SUPT3H: variants seen among roughly 807,000 people sequenced by gnomAD.
The protein encoded by SUPT3H is transcription initiation protein SPT3 homolog.
In SUPT3H, 44 loss-of-function variants were observed where a neutral mutation model predicts 44.3. The observed-to-expected ratio is 0.99, with a 90% CI of 0.78 to 1.28. The LOEUF (loss-of-function observed/expected upper bound fraction) is 1.28, where lower values mean the gene tolerates loss of function less well. Ranked by LOEUF, SUPT3H falls within the 50% of genes most tolerant of loss-of-function variation. The probability of loss-of-function intolerance (pLI) is 0.00; values close to 1 mark genes in which losing one functional copy is unlikely to be tolerated. For missense variants in SUPT3H, 380 were observed against 387.1 expected (o/e 0.98, Z 0.15); for synonymous variants, 124 against 125.6 (o/e 0.99, Z 0.09).
At chr6:45,142,676 C>A (rs887487724) in intron 2 of SUPT3H, among the ~76,000 whole-genome samples, 3 of 123,708 alleles carry the variant, frequency 2.4e-5, no homozygotes, top group African/African-American at 9.3e-5. Flanking sequence ...GCGGAAGTTG[C>A]AGTGAGCAGA....
chr6:45,242,060 A>C (rs1375706362), intron 2 of SUPT3H, among the ~76,000 whole-genome samples: 1 of 152,218 alleles, frequency 6.6e-6, no homozygotes, highest in African/African-American at 2.4e-5. Flanking sequence ...CCACTTGTGG[A>C]AACTACAGAG....
intron 3 of SUPT3H, among the ~76,000 whole-genome samples, chr6:45,060,237 C>G (rs1791774333): frequency 6.6e-6 from 1 of 151,898 alleles, no homozygotes; most frequent in South Asian, 2.1e-4. Flanking sequence ...AAGGTACTGG[C>G]ACAAAAACAG....
rs368677333 is a variant in SUPT3H at position 44,934,517 on chromosome 6, G to A, written c.802-1754C>T. Among the ~76,000 whole-genome samples, 16 of 152,330 alleles carry A rather than the reference G, an allele frequency of 1.1e-4. No homozygotes were observed. In the East Asian group the frequency reaches 1.7e-3, roughly 17 times the overall value. ...TGAAGTAGGAGGTTTACTATGGTAAGTCTTTGTGTTCCCCTAAAATTTGTA... is the reference window on the plus strand; with the variant it reads ...TGAAGTAGGAGGTTTACTATGGTAAATCTTTGTGTTCCCCTAAAATTTGTA... On this transcript the variant is annotated intron_variant, in intron 9 of 10. Coordinates refer to ENST00000371459, the MANE Select transcript of SUPT3H (RefSeq NM_003599.4).
intron 2 of SUPT3H, among the ~76,000 whole-genome samples, chr6:45,223,549 A>C (rs532615979): frequency 6.6e-6 from 1 of 151,954 alleles, no homozygotes; most frequent in Non-Finnish European, 1.5e-5. Context: ...TAACTATATA[A>C]ATCATACCCT....
intron 2 of SUPT3H, among the ~76,000 whole-genome samples, chr6:45,296,116 T>G (rs115565341): frequency 6.6e-6 from 1 of 151,868 alleles, no homozygotes; most frequent in African/African-American, 2.4e-5. Context: ...TTGTGATATA[T>G]ATATAAGTAT....
chr6:45,294,485 T>G (rs1250414540), intron 2 of SUPT3H, among the ~76,000 whole-genome samples: 1 of 151,984 alleles, frequency 6.6e-6, no homozygotes, highest in Non-Finnish European at 1.5e-5. Flanking sequence ...GCCAGAGCTA[T>G]CTGACAAGAG....
At chr6:45,332,054 C>G (rs1289431379) in intron 2 of SUPT3H, among the ~76,000 whole-genome samples, 2 of 151,884 alleles carry the variant, frequency 1.3e-5, no homozygotes, top group Non-Finnish European at 2.9e-5. Context: ...ATTCACAAAT[C>G]AAAACTCACT....
At chr6:45,076,612 G>A (rs1037144981) in intron 3 of SUPT3H, among the ~76,000 whole-genome samples, 1 of 152,032 alleles carries the variant, frequency 6.6e-6, no homozygotes, top group African/African-American at 2.4e-5. Context: ...TTTTGTACTT[G>A]TAAAATAGTG....
chr6:44,903,344 G>A lies in SUPT3H; in HGVS notation c.912+29309C>T, dbSNP rs532825372. Among the ~76,000 whole-genome samples, 27 of 152,080 alleles carry A rather than the reference G, an allele frequency of 1.8e-4. No homozygotes were observed. In the South Asian group the frequency reaches 4.6e-3, roughly 26 times the overall value. Reference sequence around the variant, plus strand: ...ATAGACACAATAAAAAATGATAAAGGGGATATTACCACTGATCCCACAGAA... The same window carrying A: ...ATAGACACAATAAAAAATGATAAAGAGGATATTACCACTGATCCCACAGAA... On this transcript the variant is annotated intron_variant, in intron 10 of 10. Coordinates refer to ENST00000371459, the MANE Select transcript of SUPT3H (RefSeq NM_003599.4).
chr6:45,152,107 C>T (rs1192237319), intron 2 of SUPT3H, among the ~76,000 whole-genome samples: 2 of 152,250 alleles, frequency 1.3e-5, no homozygotes, highest in Non-Finnish European at 2.9e-5. Context: ...GAATTCTGGA[C>T]TCTCTGATCC....
At chr6:45,079,997 A>G (rs1381910749) in intron 3 of SUPT3H, among the ~76,000 whole-genome samples, 1 of 152,226 alleles carries the variant, frequency 6.6e-6, no homozygotes, top group East Asian at 1.9e-4. Context: ...GAAACAATCA[A>G]CAAAGTAAGA....
intron 2 of SUPT3H, among the ~76,000 whole-genome samples, chr6:45,281,140 C>A (rs1014176134): frequency 6.6e-6 from 1 of 152,130 alleles, no homozygotes; most frequent in Non-Finnish European, 1.5e-5. Flanking sequence ...ATAGGAACAG[C>A]TCCAGTCTAC....
chr6:44,926,183 T>C (rs914067103), intron 10 of SUPT3H, among the ~76,000 whole-genome samples: 2 of 152,156 alleles, frequency 1.3e-5, no homozygotes, highest in African/African-American at 4.8e-5. Context: ...TTAGTTTTTA[T>C]ATTATAGAAA....
chr6:45,180,719 A>T (rs1562629412), intron 2 of SUPT3H, among the ~76,000 whole-genome samples: 1 of 152,156 alleles, frequency 6.6e-6, no homozygotes, highest in Non-Finnish European at 1.5e-5. Context: ...AAATTAATTC[A>T]AGATGGATTA....
At position 44,954,560 on chromosome 6, in the gene SUPT3H, C is replaced by A; in HGVS notation, c.628G>T (p.Glu210Ter). 1 of 1,614,122 alleles carries A rather than the reference C, an allele frequency of 6.2e-7. No individual in the cohort carries two copies. Among genetic ancestry groups the A allele is most frequent in the East Asian group, 2.2e-5 (1 of 44,874 alleles). ...FRDWLDCSSM[E>*]IKPNVVAMEI... is the part of the protein sequence containing the mutation. ...ATTGCGACAACATTGGGTTTTATCT[C>A]CATACTGCTGCAGTCCAACCAGTCT... The change falls in exon 8 of 11, where the codon GAG (glutamate) becomes TAG (stop). Residue 210 changes from glutamate to a stop codon, truncating the protein, a stop_gained. Coordinates refer to ENST00000371459, the MANE Select transcript of SUPT3H (RefSeq NM_003599.4). LOFTEE classifies it high-confidence loss of function.
intron 10 of SUPT3H, among the ~76,000 whole-genome samples, chr6:44,888,370 A>T (rs1762687342): frequency 6.6e-6 from 1 of 152,096 alleles, no homozygotes; most frequent in African/African-American, 2.4e-5. Flanking sequence ...TCCTCAATAA[A>T]ATACTGGCAA....
Position 44,842,099 on chromosome 6 carries a change from CAGATGGCCTATTAATGGACAGCAGAGTGT to C in SUPT3H, c.913-12271_913-12243del, listed in dbSNP as rs1186793638. Among the ~76,000 whole-genome samples the C allele has an allele frequency of 3.3e-5, 5 of 152,280 alleles. No individual in the cohort carries two copies. In the East Asian group the frequency reaches 7.7e-4, roughly 24 times the overall value. ...AGGAAGCCATGCAGACACCAGAGTG[CAGATGGCCTATTAATGGACAGCAGAGTGT>C]GGGTGCTGAAATTGTGTTTAAAAGG... On this transcript the variant is annotated intron_variant, in intron 10 of 10. Coordinates refer to ENST00000371459, the MANE Select transcript of SUPT3H (RefSeq NM_003599.4).
intron 3 of SUPT3H, among the ~76,000 whole-genome samples, chr6:45,033,367 C>T (rs1318561656): frequency 6.6e-6 from 1 of 152,004 alleles, no homozygotes; most frequent in African/African-American, 2.4e-5. Flanking sequence ...CCTCTTTGTT[C>T]CTTCAATATA....
chr6:45,164,384 A>G (rs1809519649), intron 2 of SUPT3H, among the ~76,000 whole-genome samples: 1 of 152,156 alleles, frequency 6.6e-6, no homozygotes. Context: ...TTTCCTTAGG[A>G]GCAATAGTTG....
Sources: allele counts gnomAD v4.1 joint callset (sites outside exome capture counted in the v4.1 genomes callset), GRCh38; gene constraint gnomAD v4.1.1; transcripts MANE v1.5; gene names NCBI Gene and HGNC (gene_info 2026-07-23, HGNC 2026-07-21).